MACROD2: variants seen among roughly 807,000 people sequenced by gnomAD.
The protein encoded by MACROD2 is ADP-ribose glycohydrolase MACROD2.
A neutral mutation model predicts 70.4 loss-of-function variants in MACROD2; 36 were observed. The ratio of observed to expected loss-of-function variants is 0.51; its 90% CI spans 0.39 to 0.68. MACROD2 has a LOEUF of 0.68. Among genes scored for constraint, MACROD2 ranks in the 30% least tolerant of loss-of-function variants. The pLI is 0.00. For synonymous variants in MACROD2, 172 were observed against 178.8 expected (o/e 0.96, Z 0.30); for missense variants, 496 against 538.4 (o/e 0.92, Z 0.78).
rs552037991 is a variant in MACROD2 at position 15,744,486 on chromosome 20, T to TA, written c.646-118258dup. 2.1e-3 allele frequency among the ~76,000 whole-genome samples: 314 copies of TA among 152,290 alleles called. 4 individuals are homozygous for TA. Among genetic ancestry groups the TA allele is most frequent in the African/African-American group, 7.2e-3 (299 of 41,562 alleles). ...GAGTTATACTTGCTGTACTTGCAGT[T>TA]ACCAAATTTAAATGCCTTCCCTGGT... On this transcript the variant is annotated intron_variant, in intron 8 of 17. Transcript: ENST00000684519.
At chr20:15,503,428 G>C (rs1324467935) in intron 8 of MACROD2, among the ~76,000 whole-genome samples, 2 of 152,126 alleles carry the variant, frequency 1.3e-5, no homozygotes, top group African/African-American at 4.8e-5. Context: ...ACTTTAACTT[G>C]GGTTCGGCCT....
chr20:15,948,382 C>CAAAAAA (rs71192307), intron 12 of MACROD2, among the ~76,000 whole-genome samples: 90 of 43,120 alleles, frequency 2.1e-3, no homozygotes, highest in Non-Finnish European at 2.5e-3. Flanking sequence ...CTTGCAACTG[C>CAAAAAA]AAAAAAAAAA....
chr20:15,183,316 C>T (rs763635059), intron 5 of MACROD2, among the ~76,000 whole-genome samples: 3 of 151,990 alleles, frequency 2.0e-5, no homozygotes, highest in South Asian at 2.1e-4. Context: ...AGGAGGATCG[C>T]TTGGGGCCAG....
chr20:14,450,292 C>T (rs558558834), intron 3 of MACROD2, among the ~76,000 whole-genome samples: 1 of 152,218 alleles, frequency 6.6e-6, no homozygotes, highest in Middle Eastern at 3.4e-3. Context: ...AAGAAGTACA[C>T]ATTGGGCTAA....
At chr20:15,899,421 G>A (rs2065031198) in intron 10 of MACROD2, among the ~76,000 whole-genome samples, 1 of 152,144 alleles carries the variant, frequency 6.6e-6, no homozygotes, top group African/African-American at 2.4e-5. Flanking sequence ...GAGGAGTGAA[G>A]AAGGAGCACA....
At chr20:14,221,690 A>T (rs2081675790) in intron 3 of MACROD2, among the ~76,000 whole-genome samples, 1 of 152,232 alleles carries the variant, frequency 6.6e-6, no homozygotes, top group African/African-American at 2.4e-5. Context: ...CACCATAATG[A>T]ACAGACAACC....
rs376924403 is a variant in MACROD2, at chr20:15,100,236, A to G, written c.419-129704A>G. On this transcript the variant is annotated intron_variant, in intron 5 of 17. Coordinates refer to ENST00000684519, the MANE Select transcript of MACROD2 (RefSeq NM_001351661.2). ...TGTAGCAGACTATAGATAGTTCCCAACTGATGATGGTTCACCTGATTTTTT... is the reference window on the plus strand; with the variant it reads ...TGTAGCAGACTATAGATAGTTCCCAGCTGATGATGGTTCACCTGATTTTTT... 7.9e-4 allele frequency among the ~76,000 whole-genome samples: 121 copies of G among 152,224 alleles called. No individual in the cohort carries two copies. The Middle Eastern group carries it at 0.01, about 13-fold the overall frequency.
chr20:14,732,925 A>C (rs1263135230), intron 5 of MACROD2, among the ~76,000 whole-genome samples: 1 of 152,168 alleles, frequency 6.6e-6, no homozygotes, highest in East Asian at 1.9e-4. Context: ...TCTTGGAGAA[A>C]ATTAATATTC....
chr20:14,624,562 C>T (rs1984022031), intron 4 of MACROD2, among the ~76,000 whole-genome samples: 1 of 152,178 alleles, frequency 6.6e-6, no homozygotes, highest in Non-Finnish European at 1.5e-5. Flanking sequence ...AATTATGCAC[C>T]TTTGGAAAAA....
chr20:15,085,860 CACACACACACACA>C (rs891983339), intron 5 of MACROD2, among the ~76,000 whole-genome samples: 1 of 122,476 alleles, frequency 8.2e-6, no homozygotes, highest in Non-Finnish European at 1.7e-5. Context: ...AGATGAATAA[CACACACACACACA>C]ACACACACAC....
chr20:14,604,732 G>A (rs1982695560), intron 4 of MACROD2, among the ~76,000 whole-genome samples: 1 of 152,096 alleles, frequency 6.6e-6, no homozygotes, highest in South Asian at 2.1e-4. Flanking sequence ...AAATTTTAGG[G>A]AGCAAGACCA....
At chr20:14,739,751 TG>T (rs1327245418) in intron 5 of MACROD2, among the ~76,000 whole-genome samples, 4 of 152,082 alleles carry the variant, frequency 2.6e-5, no homozygotes. Context: ...TACATTACAC[TG>T]TTTTTTTACA....
At chr20:15,370,689 C>G (rs2045479834) in intron 6 of MACROD2, among the ~76,000 whole-genome samples, 1 of 151,982 alleles carries the variant, frequency 6.6e-6, no homozygotes, top group Non-Finnish European at 1.5e-5. Context: ...AATTTTGTAT[C>G]TAATGAAAAT....
At position 15,981,439 on chromosome 20, in the gene MACROD2, G is replaced by T. The variant is rs909772509; in HGVS notation, c.986-5288G>T. On this transcript the variant is annotated intron_variant, in intron 13 of 17. Transcript: ENST00000684519. ...AGCTATGCAATAATTGAGACTTTTA[G>T]AACTTAGAAATGATCAGGGTGATTC... Among the ~76,000 whole-genome samples, 3 of 152,182 alleles carry T rather than the reference G, an allele frequency of 2.0e-5. No homozygotes were observed. The East Asian group carries it at 5.8e-4, about 29-fold the overall frequency.
At chr20:15,678,535 A>AT (rs1468245000) in intron 8 of MACROD2, among the ~76,000 whole-genome samples, 4 of 151,948 alleles carry the variant, frequency 2.6e-5, no homozygotes, top group African/African-American at 9.7e-5. Context: ...AATTTTTTGT[A>AT]TTTTTAGTAG....
intron 6 of MACROD2, among the ~76,000 whole-genome samples, chr20:15,357,798 C>CTTTTTTTTTTTTTTTTTTTTTTTT (rs200860242): frequency 7.4e-6 from 1 of 135,636 alleles, no homozygotes. Context: ...TTCATTCATT[C>CTTTTTTTTTTTTTTTTTTTTTTTT]TTTTTTTTTT....
intron 7 of MACROD2, among the ~76,000 whole-genome samples, chr20:15,435,251 T>C (rs1018144149): frequency 5.3e-5 from 8 of 152,158 alleles, no homozygotes; most frequent in Non-Finnish European, 1.0e-4. Flanking sequence ...AAAACACATT[T>C]TCCAATACAG....
chr20:15,442,633 G>T (rs1447932767), intron 7 of MACROD2, among the ~76,000 whole-genome samples: 1 of 152,062 alleles, frequency 6.6e-6, no homozygotes, highest in African/African-American at 2.4e-5. Context: ...TGCAAAGGAG[G>T]TTGGAAAATT....
chr20:14,507,624 T>G (rs2084983718), intron 4 of MACROD2, among the ~76,000 whole-genome samples: 1 of 152,168 alleles, frequency 6.6e-6, no homozygotes, highest in Non-Finnish European at 1.5e-5. Flanking sequence ...AGCAAAAATT[T>G]CAGAGAATTA....
Sources: allele counts gnomAD v4.1 joint callset (sites outside exome capture counted in the v4.1 genomes callset), GRCh38; gene constraint gnomAD v4.1.1; transcripts MANE v1.5; gene names NCBI Gene and HGNC (gene_info 2026-07-23, HGNC 2026-07-21).